Variants in VPS50 observed in about 807,000 individuals in gnomAD.
VPS50 encodes VPS50 subunit of EARP/GARPII complex.
VPS50 carries 70 observed loss-of-function variants against 139.7 expected under a neutral mutation model. That is an observed-to-expected ratio of 0.50 (90% CI 0.41 to 0.61). The LOEUF (loss-of-function observed/expected upper bound fraction) is 0.61. VPS50 is among the 20% of genes least tolerant of loss of function. The probability of loss-of-function intolerance (pLI) is 0.00; values close to 1 mark genes in which losing one functional copy is unlikely to be tolerated. For missense variants in VPS50, 921 were observed against 1,133.7 expected, an observed-to-expected ratio of 0.81 and a Z score of 2.69; for synonymous variants, 365 against 376.7, an observed-to-expected ratio of 0.97 and a Z score of 0.36.
Position 93,323,693 on chromosome 7 carries a change from C to G in VPS50, c.1938C>G (p.Tyr646Ter). Residue 646 changes from tyrosine (Y) to a stop codon, truncating the protein, a stop_gained, in exon 21 of 28, where the codon TAC (tyrosine) becomes TAG (stop). Coordinates refer to ENST00000305866, the MANE Select transcript of VPS50 (RefSeq NM_017667.4). LOFTEE classifies it high-confidence loss of function. Reference sequence around the variant, plus strand: ...TCATGTCTCAACTATTTGATTATTACTTGTATGCAATATATACCTTTTTTG... The same window carrying G: ...TCATGTCTCAACTATTTGATTATTAGTTGTATGCAATATATACCTTTTTTG... Reference protein sequence around the residue: ...IHFMSQLFDYYLYAIYTFFGR... With the variant: ...IHFMSQLFDY 2 of 1,423,338 alleles carry G rather than the reference C, an allele frequency of 1.4e-6. No homozygotes were observed. Among genetic ancestry groups the G allele is most frequent in the Non-Finnish European group, 1.9e-6 (2 of 1,053,634 alleles). 88.2% of individuals were successfully genotyped at this position (1,423,338 alleles called of 1,614,324 possible).
intron 25 of VPS50, among the ~76,000 whole-genome samples, chr7:93,352,300 AACAG>A (rs567295542): frequency 3.6e-4 from 55 of 152,336 alleles, no homozygotes; most frequent in African/African-American, 8.7e-4. Flanking sequence ...GAAATGAAAC[AACAG>A]ACAAAGAGCA....
intron 9 of VPS50, among the ~76,000 whole-genome samples, chr7:93,263,315 A>G (rs892161896): frequency 6.6e-6 from 1 of 152,220 alleles, no homozygotes; most frequent in Non-Finnish European, 1.5e-5. Context: ...TATATTCTCA[A>G]TTTTAAAAAC....
intron 12 of VPS50, among the ~76,000 whole-genome samples, chr7:93,280,414 A>G (rs570042137): frequency 6.6e-6 from 1 of 152,136 alleles, no homozygotes; most frequent in Non-Finnish European, 1.5e-5. Flanking sequence ...ATGAAAATTC[A>G]TCATACTTCA....
chr7:93,313,999 T>C (rs577470753), intron 20 of VPS50, among the ~76,000 whole-genome samples: 1 of 152,304 alleles, frequency 6.6e-6, no homozygotes, highest in South Asian at 2.1e-4. Context: ...ATTTTCTCTC[T>C]CCCTGGGATG....
intron 21 of VPS50, among the ~76,000 whole-genome samples, chr7:93,325,383 G>A (rs1450622391): frequency 6.6e-6 from 1 of 151,984 alleles, no homozygotes; most frequent in Non-Finnish European, 1.5e-5. Context: ...TCAGGACATA[G>A]GCATGGGCAA....
At chr7:93,355,510 C>G (rs1209680827) in intron 26 of VPS50, among the ~76,000 whole-genome samples, 1 of 152,064 alleles carries the variant, frequency 6.6e-6, no homozygotes, top group Non-Finnish European at 1.5e-5. Flanking sequence ...TTTTATAAAA[C>G]TAAGATTACT....
At chr7:93,259,132 T>G (rs1014775682) in intron 8 of VPS50, among the ~76,000 whole-genome samples, 18 of 152,070 alleles carry the variant, frequency 1.2e-4, no homozygotes, top group Non-Finnish European at 2.2e-4. Context: ...TTAGAACTAT[T>G]TATTGATTTC....
chr7:93,276,224 A>G lies in VPS50; in HGVS notation c.861A>G (p.Gln287=). The G allele has an allele frequency of 6.2e-7, 1 of 1,613,610 alleles. No homozygotes were observed. The highest frequency in any genetic ancestry group is 8.5e-7 in the Non-Finnish European group (1 of 1,179,688). The part of the protein sequence containing the change: ...FTQAIHNTVF[Q]VVLGYVELCA... ...AAGCCATTCACAACACCGTGTTTCA[A>G]GTTGTTCTTGGTTATGTGGAACTAT... Residue 287 remains glutamine, a synonymous_variant, in exon 12 of 28, where the codon CAA becomes CAG. Coordinates refer to ENST00000305866, the MANE Select transcript of VPS50 (RefSeq NM_017667.4).
At chr7:93,306,132 C>G in intron 18 of VPS50, 128 bp downstream of exon 18, 1 of 652,410 alleles carries the variant, frequency 1.5e-6, no homozygotes, top group East Asian at 2.6e-5. Flanking sequence ...ACTTAATGTA[C>G]CTATGCTATT....
At chr7:93,286,915 T>G (rs746861488) in intron 12 of VPS50, among the ~76,000 whole-genome samples, 8 of 151,620 alleles carry the variant, frequency 5.3e-5, no homozygotes, top group Non-Finnish European at 8.8e-5. Context: ...AATTTTAAAA[T>G]GAAATAACTC....
chr7:93,295,159 T>C (rs1796773234), intron 14 of VPS50, among the ~76,000 whole-genome samples: 2 of 152,196 alleles, frequency 1.3e-5, no homozygotes, highest in African/African-American at 4.8e-5. Flanking sequence ...TATAACAAAA[T>C]ATTCTAGACT....
intron 4 of VPS50, among the ~76,000 whole-genome samples, chr7:93,255,863 A>G (rs542789423): frequency 1.3e-5 from 2 of 152,262 alleles, no homozygotes; most frequent in South Asian, 2.1e-4. Context: ...GTCCTGCTTC[A>G]TGCCTCATGT....
At position 93,259,608 on chromosome 7, in the gene VPS50, C is replaced by A. The variant is rs756566977; in HGVS notation, c.635C>A (p.Thr212Asn). The change falls in exon 9 of 28, where the codon ACT becomes AAT. Residue 212 changes from threonine (T) to asparagine (N), a missense_variant. Around this residue, in one of 3 missense-constraint regions of VPS50, gnomAD observed 744 missense variants for 930.6 expected, o/e 0.80. Coordinates refer to ENST00000305866, the MANE Select transcript of VPS50 (RefSeq NM_017667.4). ...CTTGAATGTCAAAAAGCTGCCAGCA[C>A]TTTTAAACATTACAGTTGTATAAGG... is the stretch of plus-strand genomic sequence containing the variant. ...LCLECQKAASTFKHYSCISEL... is the reference protein window; with the variant it reads ...LCLECQKAASNFKHYSCISEL... The A allele has an allele frequency of 2.5e-6, 4 of 1,593,304 alleles. No individual in the cohort carries two copies. In the East Asian group the frequency reaches 9.0e-5, roughly 36 times the overall value.
intron 10 of VPS50, 109 bp downstream of exon 10, chr7:93,271,371 G>T (rs903907812): frequency 8.2e-5 from 110 of 1,338,050 alleles, no homozygotes; most frequent in Non-Finnish European, 1.0e-4. Flanking sequence ...AATGTCTCTA[G>T]ATCACTGTAT....
At chr7:93,258,307 C>T in intron 7 of VPS50, 31 bp downstream of exon 7, 1 of 1,595,934 alleles carries the variant, frequency 6.3e-7, no homozygotes, top group Non-Finnish European at 8.6e-7. Flanking sequence ...AAAATTAAAA[C>T]TGAATTTTGT....
intron 1 of VPS50, among the ~76,000 whole-genome samples, chr7:93,238,250 C>G (rs1010573929): frequency 6.6e-6 from 1 of 151,584 alleles, no homozygotes; most frequent in African/African-American, 2.4e-5. Context: ...TAGTAACATA[C>G]TATTTTTCTC....
chr7:93,299,413 G>C (rs1796910780), intron 16 of VPS50, among the ~76,000 whole-genome samples: 1 of 152,074 alleles, frequency 6.6e-6, no homozygotes, highest in African/African-American at 2.4e-5. Context: ...CTGAAAAACT[G>C]TATGAAACAT....
chr7:93,354,580 C>T (rs7779386), intron 26 of VPS50, among the ~76,000 whole-genome samples: 6,333 of 152,232 alleles, frequency 0.042, 172 homozygotes, highest in African/African-American at 0.065. Flanking sequence ...CAGGCGTGAG[C>T]CACCATGCCT....
intron 12 of VPS50, among the ~76,000 whole-genome samples, chr7:93,282,257 A>G (rs139904547): frequency 0.012 from 1,861 of 151,752 alleles, 23 homozygotes; most frequent in Middle Eastern, 0.021. Flanking sequence ...TGCTACTTGC[A>G]TAATTTTTAA....
Sources: gnomAD v4.1 joint callset for allele counts (sites outside exome capture counted in the v4.1 genomes callset) on GRCh38, gnomAD v4.1.1 for gene constraint, gnomAD v4.1.1 regional missense constraint, MANE v1.5 for transcripts, NCBI Gene and HGNC (gene_info 2026-07-23, HGNC 2026-07-21) for gene names.